The following MX2 variants were observed in gnomAD, a reference collection of about 807,000 sequenced individuals.
The protein encoded by MX2 is interferon-induced GTP-binding protein Mx2.
In MX2, 51 loss-of-function variants were observed where a neutral mutation model predicts 74.0. That is an observed-to-expected ratio of 0.69 (90% confidence interval 0.55 to 0.87). MX2 has a LOEUF of 0.87. MX2 is among the 40% of genes least tolerant of loss of function. MX2 has a pLI of 0.00. For missense variants in MX2, 832 were observed against 908.7 expected (o/e 0.92, Z 1.09); for synonymous variants, 369 against 339.3 (o/e 1.09, Z -0.96).
At chr21:41,391,388 G>C (rs2089658277) in intron 6 of MX2, among the ~76,000 whole-genome samples, 1 of 144,034 alleles carries the variant, frequency 6.9e-6, no homozygotes, top group African/African-American at 2.8e-5. Flanking sequence ...ATAAATATTA[G>C]CTTTTTTTTT....
At chr21:41,381,758 G>A (rs958929317) in intron 4 of MX2, among the ~76,000 whole-genome samples, 1 of 151,676 alleles carries the variant, frequency 6.6e-6, no homozygotes, top group Non-Finnish European at 1.5e-5. Context: ...ATAGCATCTT[G>A]GAACCCCCTC....
chr21:41,406,197 A>G (rs919672147), intron 12 of MX2, among the ~76,000 whole-genome samples: 1 of 152,164 alleles, frequency 6.6e-6, no homozygotes, highest in Non-Finnish European at 1.5e-5. Flanking sequence ...GATGTTGGCC[A>G]GGTTGGTCTC....
intron 1 of MX2, among the ~76,000 whole-genome samples, chr21:41,373,533 C>T (rs918751064): frequency 6.6e-6 from 1 of 152,148 alleles, no homozygotes; most frequent in Admixed American, 6.5e-5. Flanking sequence ...GTGGCTCCCC[C>T]TCCAGCTGCT....
At chr21:41,407,729 G>A (rs1427350285) in intron 13 of MX2, among the ~76,000 whole-genome samples, 3 of 152,176 alleles carry the variant, frequency 2.0e-5, no homozygotes, top group Non-Finnish European at 4.4e-5. Context: ...GAGGAGCTGT[G>A]GGGATGCCCA....
intron 1 of MX2, among the ~76,000 whole-genome samples, chr21:41,369,022 G>A (rs431563): frequency 0.63 from 95,936 of 152,140 alleles, 31,210 homozygotes; most frequent in East Asian, 0.92. Flanking sequence ...GAAAGTCTCC[G>A]TAGGGCTAGG....
chr21:41,397,427 A>C (rs1436687917), intron 7 of MX2, among the ~76,000 whole-genome samples, 186 bp from the exon 8 acceptor site: 1 of 152,028 alleles, frequency 6.6e-6, no homozygotes, highest in Non-Finnish European at 1.5e-5. Context: ...GGAGGGAAGG[A>C]AGCTTCCTGG....
In MX2 at chr21:41,376,951, A is replaced by G. The variant is rs752884053; in HGVS notation, c.45A>G (p.Gln15=). 30 of 1,613,916 alleles carry G rather than the reference A, an allele frequency of 1.9e-5. 1 individual carries two copies. Among genetic ancestry groups the G allele is most frequent in the Non-Finnish European group, 2.4e-5 (28 of 1,180,034 alleles). ...CTTGGCCCTACCGGAGGAGAAGTCA[A>G]TTTTCTTCTCGAAAATACCTGAAAA... ...HKPWPYRRRS[Q]FSSRKYLKKE... Residue 15 remains glutamine (Q), a synonymous_variant, in exon 2 of 14, where the codon CAA becomes CAG. Coordinates refer to ENST00000330714, the MANE Select transcript of MX2 (RefSeq NM_002463.2).
In MX2 at chr21:41,380,265, T is replaced by G; in HGVS notation, c.577+114T>G. 7.0e-7 allele frequency: 1 copy of G among 1,434,020 alleles called. No individual in the cohort carries two copies. 88.8% of individuals were successfully genotyped at this position (1,434,020 alleles called of 1,614,324 possible). The stretch of plus-strand genomic sequence containing the variant: ...AGTGACCACTCAGCTCCTAGCCCCA[T>G]GTGCTCCCACATGGGGCTGAACCCA... On this transcript the variant is annotated intron_variant, in intron 4 of 13. Coordinates refer to ENST00000330714, the MANE Select transcript of MX2 (RefSeq NM_002463.2). This position sits in a 1 kb window ranked among gnomAD's most constrained non-coding sequence, Gnocchi z 4.3.
intron 2 of MX2, 82 bp from the exon 3 acceptor site, chr21:41,377,707 G>A (rs1243924767): frequency 1.7e-5 from 25 of 1,441,804 alleles, no homozygotes; most frequent in South Asian, 3.9e-5. Context: ...CATCATAGCC[G>A]CACAAACTCT....
chr21:41,386,783 T>A (rs9305739), intron 5 of MX2, among the ~76,000 whole-genome samples: 1 of 152,126 alleles, frequency 6.6e-6, no homozygotes, highest in Non-Finnish European at 1.5e-5. Context: ...TCCTCCTCCA[T>A]GTTCCTGGAA....
At chr21:41,387,278 A>T (rs1355798461) in intron 5 of MX2, among the ~76,000 whole-genome samples, 3 of 152,164 alleles carry the variant, frequency 2.0e-5, no homozygotes, top group African/African-American at 7.2e-5. Context: ...TGAAAGATTC[A>T]TGCCTCTCCT....
intron 9 of MX2, 60 bp from the exon 10 acceptor site, chr21:41,399,136 G>A (rs927508505): frequency 3.1e-5 from 50 of 1,599,968 alleles, no homozygotes; most frequent in East Asian, 1.3e-4. Flanking sequence ...TCCTTGCAAC[G>A]CCGGTCCCAG....
At chr21:41,370,055 C>T (rs1316967076) in intron 1 of MX2, among the ~76,000 whole-genome samples, 1 of 152,200 alleles carries the variant, frequency 6.6e-6, no homozygotes, top group Non-Finnish European at 1.5e-5. Flanking sequence ...GAAGTGTTCC[C>T]CAGAGCTCCG....
rs965632179 is a variant in MX2 at position 41,380,256 on chromosome 21, C to T, written c.577+105C>T. 7.4e-6 allele frequency: 11 copies of T among 1,495,882 alleles called. No individual in the cohort carries two copies. Among genetic ancestry groups the T allele is most frequent in the African/African-American group, 1.4e-5 (1 of 71,376 alleles). 92.7% of individuals were successfully genotyped at this position (1,495,882 alleles called of 1,614,324 possible). A position where few individuals can be genotyped will look rare whatever the true frequency, so the allele number is the denominator to read the frequency against. ...CACCCCCACAGTGACCACTCAGCTC[C>T]TAGCCCCATGTGCTCCCACATGGGG... On this transcript the variant is annotated intron_variant, in intron 4 of 13. Transcript: ENST00000330714. The surrounding 1 kb of genome is among the most constrained non-coding windows in gnomAD (Gnocchi z 4.3).
At chr21:41,400,699 A>T (rs997117422) in intron 10 of MX2, among the ~76,000 whole-genome samples, 1 of 90,188 alleles carries the variant, frequency 1.1e-5, no homozygotes, top group African/African-American at 2.6e-5. Flanking sequence ...AGAGCTGCCA[A>T]ACACTTTATT....
chr21:41,394,111 C>T (rs943517127), intron 6 of MX2, among the ~76,000 whole-genome samples: 1 of 152,232 alleles, frequency 6.6e-6, no homozygotes, highest in Non-Finnish European at 1.5e-5. Flanking sequence ...TCACCTTGCC[C>T]ATGGCAGTGC....
intron 3 of MX2, among the ~76,000 whole-genome samples, chr21:41,379,563 C>T (rs1187957672): frequency 6.6e-6 from 1 of 152,140 alleles, no homozygotes; most frequent in African/African-American, 2.4e-5. Flanking sequence ...TCCACATTCC[C>T]GCCATCCCCC....
intron 5 of MX2, among the ~76,000 whole-genome samples, chr21:41,387,767 T>G (rs894700534): frequency 1.3e-5 from 2 of 152,192 alleles, no homozygotes; most frequent in Non-Finnish European, 2.9e-5. Context: ...AGCTGCCGAT[T>G]CACCAGTGCC....
intron 1 of MX2, among the ~76,000 whole-genome samples, chr21:41,369,374 C>T (rs1601390400): frequency 6.6e-6 from 1 of 152,278 alleles, no homozygotes; most frequent in Non-Finnish European, 1.5e-5. Context: ...CCCTCTGAGG[C>T]TGCGCGGGGA....
Sources: gnomAD v4.1 joint callset for allele counts (sites outside exome capture counted in the v4.1 genomes callset) on GRCh38, gnomAD v4.1.1 for gene constraint, Gnocchi (gnomAD v3.1) non-coding constraint, MANE v1.5 for transcripts, NCBI Gene and HGNC (gene_info 2026-07-23, HGNC 2026-07-21) for gene names.